Variants in PEBP4 observed in about 807,000 individuals in gnomAD.
The protein encoded by PEBP4 is phosphatidylethanolamine-binding protein 4.
In PEBP4, 22 loss-of-function variants were observed where a neutral mutation model predicts 23.9. That is an observed-to-expected ratio of 0.92 (90% CI 0.66 to 1.31). The LOEUF (loss-of-function observed/expected upper bound fraction) is 1.31, where lower values mean the gene tolerates loss of function less well. Among genes scored for constraint, PEBP4 ranks in the 40% most tolerant of loss-of-function variants. The pLI is 0.00. For missense variants in PEBP4, 324 were observed against 281.7 expected, an observed-to-expected ratio of 1.15 and a Z score of -1.07; for synonymous variants, 112 against 99.3, an observed-to-expected ratio of 1.13 and a Z score of -0.76.
intron 3 of PEBP4, among the ~76,000 whole-genome samples, chr8:22,852,131 G>A (rs1807564744): frequency 6.6e-6 from 1 of 152,128 alleles, no homozygotes; most frequent in Admixed American, 6.5e-5. Context: ...AAGAGGGAGA[G>A]GGGTTGGAAC....
chr8:22,862,931 G>A (rs1374428691), intron 3 of PEBP4, among the ~76,000 whole-genome samples: 2 of 151,756 alleles, frequency 1.3e-5, no homozygotes, highest in African/African-American at 4.9e-5. Flanking sequence ...CTCCTGAGTA[G>A]CTGGGACTAC....
chr8:22,750,564 A>T (rs2128751644), intron 4 of PEBP4, among the ~76,000 whole-genome samples: 1 of 152,274 alleles, frequency 6.6e-6, no homozygotes, highest in Non-Finnish European at 1.5e-5. Flanking sequence ...GTACTTGTTG[A>T]TCTGCCCGTT....
chr8:22,892,391 G>A (rs1475205436), intron 3 of PEBP4, among the ~76,000 whole-genome samples: 1 of 152,084 alleles, frequency 6.6e-6, no homozygotes, highest in Non-Finnish European at 1.5e-5. Flanking sequence ...TTTTCATCTT[G>A]CAAAACAAAA....
chr8:22,714,032 C>G (rs1563191195), intron 6 of PEBP4, among the ~76,000 whole-genome samples: 1 of 152,256 alleles, frequency 6.6e-6, no homozygotes, highest in Non-Finnish European at 1.5e-5. Context: ...TTTCAATCTT[C>G]TCCCCTAAAC....
At chr8:22,747,932 G>C (rs1375758669) in intron 4 of PEBP4, among the ~76,000 whole-genome samples, 1 of 152,210 alleles carries the variant, frequency 6.6e-6, no homozygotes. Context: ...CTCTCCCACA[G>C]AGCTGTGGGT....
intron 3 of PEBP4, among the ~76,000 whole-genome samples, chr8:22,826,533 A>C (rs1245527217): frequency 1.3e-5 from 2 of 152,240 alleles, no homozygotes; most frequent in African/African-American, 4.8e-5. Context: ...GGATTGGTTA[A>C]TAAACAATGA....
chr8:22,792,385 G>T (rs1174699525), intron 4 of PEBP4, among the ~76,000 whole-genome samples: 2 of 152,166 alleles, frequency 1.3e-5, no homozygotes, highest in African/African-American at 4.8e-5. Context: ...CTAAGGTGGA[G>T]ATGAAAGAGC....
At chr8:22,817,396 C>T (rs1806766244) in intron 4 of PEBP4, among the ~76,000 whole-genome samples, 1 of 152,226 alleles carries the variant, frequency 6.6e-6, no homozygotes, top group African/African-American at 2.4e-5. Context: ...TCAGCAAACA[C>T]TAGAAATCAG....
chr8:22,713,292 G>C lies in PEBP4; in HGVS notation c.*78C>G, dbSNP rs1381967722. The C allele has an allele frequency of 3.7e-5, 55 of 1,482,514 alleles. No homozygotes were observed. The highest frequency in any genetic ancestry group is 4.8e-5 in the Non-Finnish European group (54 of 1,116,892). 91.8% of individuals were successfully genotyped at this position (1,482,514 alleles called of 1,614,324 possible). A position where few individuals can be genotyped will look rare whatever the true frequency, so the allele number is the denominator to read the frequency against. ...TTTTATTTGGAAAAGAAGGGGTTCT[G>C]TATCCAGAGGGGGTTCCATACCCAC... On this transcript the variant is annotated 3_prime_UTR_variant, in exon 7 of 7. Transcript: ENST00000256404.
intron 3 of PEBP4, among the ~76,000 whole-genome samples, chr8:22,859,449 G>A (rs1037736355): frequency 6.6e-6 from 1 of 152,178 alleles, no homozygotes; most frequent in Non-Finnish European, 1.5e-5. Flanking sequence ...GCCAGCAGAG[G>A]AAGCAGCCAG....
intron 3 of PEBP4, among the ~76,000 whole-genome samples, chr8:22,916,949 G>T (rs1585342782): frequency 6.6e-6 from 1 of 152,200 alleles, no homozygotes; most frequent in Non-Finnish European, 1.5e-5. Flanking sequence ...GAGCCCAGAG[G>T]GAGGCAGTCA....
chr8:22,910,574 G>A (rs776083456), intron 3 of PEBP4, among the ~76,000 whole-genome samples: 1 of 152,264 alleles, frequency 6.6e-6, no homozygotes, highest in Non-Finnish European at 1.5e-5. Flanking sequence ...TCTCAGAAGA[G>A]AAGCTTAGCC....
chr8:22,925,832 C>A (rs1339317079), intron 2 of PEBP4, among the ~76,000 whole-genome samples: 1 of 152,224 alleles, frequency 6.6e-6, no homozygotes, highest in Non-Finnish European at 1.5e-5. Flanking sequence ...TGACCTTGCA[C>A]TGCTCAGAGC....
At chr8:22,870,880 A>G (rs1274990221) in intron 3 of PEBP4, among the ~76,000 whole-genome samples, 1 of 152,136 alleles carries the variant, frequency 6.6e-6, no homozygotes, top group Non-Finnish European at 1.5e-5. Flanking sequence ...TCTGCCAGAG[A>G]AGGGGTTTTG....
At chr8:22,915,081 C>T (rs1809044974) in intron 3 of PEBP4, among the ~76,000 whole-genome samples, 1 of 152,062 alleles carries the variant, frequency 6.6e-6, no homozygotes, top group African/African-American at 2.4e-5. Flanking sequence ...CCCCAATATC[C>T]CCACAGCCCC....
chr8:22,932,239 G>A (rs1234357057), upstream of PEBP4, among the ~76,000 whole-genome samples: 1 of 152,204 alleles, frequency 6.6e-6, no homozygotes, highest in African/African-American at 2.4e-5. Flanking sequence ...GCTGGAGGTG[G>A]AGGTGGGATA....
Position 22,810,677 on chromosome 8 carries a change from T to G in PEBP4, c.357+6960A>C, listed in dbSNP as rs866562862. Among the ~76,000 whole-genome samples, 3 of 94,270 alleles carry G rather than the reference T, an allele frequency of 3.2e-5. No individual in the cohort carries two copies. The Admixed American group carries it at 3.3e-4, about 10-fold the overall frequency. The allele number at this position is 94,270 out of a possible 152,430, so 61.8% of individuals were successfully genotyped here. A position where few individuals can be genotyped will look rare whatever the true frequency, so the allele number is the denominator to read the frequency against. ...GGGGTGTCTCATGGAGGGGTGTGTG[T>G]GTGTGTGTGTGTGTGTGTGTGTGTG... On this transcript the variant is annotated intron_variant, in intron 4 of 6. Coordinates refer to ENST00000256404, the MANE Select transcript of PEBP4 (RefSeq NM_144962.3).
chr8:22,873,343 T>C (rs1808049005), intron 3 of PEBP4, among the ~76,000 whole-genome samples: 3 of 152,308 alleles, frequency 2.0e-5, no homozygotes, highest in African/African-American at 4.8e-5. Flanking sequence ...AAAGTAACCA[T>C]GCTGGCCAGG....
chr8:22,874,407 T>C (rs1240589724), intron 3 of PEBP4, among the ~76,000 whole-genome samples: 1 of 152,182 alleles, frequency 6.6e-6, no homozygotes, highest in Non-Finnish European at 1.5e-5. Context: ...AATTGGAAGA[T>C]GAATGTTTCT....
Sources: allele counts gnomAD v4.1 joint callset (sites outside exome capture counted in the v4.1 genomes callset), GRCh38; gene constraint gnomAD v4.1.1; transcripts MANE v1.5; gene names NCBI Gene and HGNC (gene_info 2026-07-23, HGNC 2026-07-21).